Variants in PHTF2 observed in about 807,000 individuals in gnomAD.
PHTF2 encodes putative homeodomain transcription factor 2.
PHTF2 carries 60 observed loss-of-function variants against 101.2 expected under a neutral mutation model. The observed-to-expected ratio is 0.59, with a 90% CI of 0.48 to 0.73. The LOEUF is 0.73. PHTF2 is among the 30% of genes least tolerant of loss of function. The pLI is 0.00. For missense variants in PHTF2, 747 were observed against 908.7 expected (o/e 0.82, Z 2.29); for synonymous variants, 311 against 307.3 (o/e 1.01, Z -0.13).
chr7:77,885,823 G>A (rs1799793399), intron 3 of PHTF2, among the ~76,000 whole-genome samples: 1 of 152,184 alleles, frequency 6.6e-6, no homozygotes, highest in East Asian at 1.9e-4. Context: ...GGCCTCTGAT[G>A]TTTGTTGCAT....
intron 3 of PHTF2, among the ~76,000 whole-genome samples, chr7:77,890,080 C>T (rs1800249960): frequency 6.6e-6 from 1 of 151,600 alleles, no homozygotes. Context: ...TTCCTCTCAC[C>T]TATCAAATCT....
intron 1 of PHTF2, 75 bp from the exon 2 acceptor site, chr7:77,840,146 A>G (rs1228001550): frequency 8.0e-6 from 6 of 754,320 alleles, no homozygotes; most frequent in Admixed American, 3.8e-5. Flanking sequence ...CCAGAGTGCT[A>G]TGTCTGCATG....
exon 15 of PHTF2, chr7:77,940,617 A>G: frequency 1.2e-6 from 2 of 1,607,382 alleles, no homozygotes; most frequent in Non-Finnish European, 1.7e-6. Context: ...TGAAGAAAGT[A>G]CAGAATATAA....
At position 77,894,008 on chromosome 7, in the gene PHTF2, A is replaced by C. The variant is rs1221033273; in HGVS notation, c.216+15A>C. Reference sequence around the variant, plus strand: ...TTATTAAACTGGTAAGTGTTTCAGGATTTTTCCCGCCTGAGTGATCCTGTG... The same window carrying C: ...TTATTAAACTGGTAAGTGTTTCAGGCTTTTTCCCGCCTGAGTGATCCTGTG... On this transcript the variant is annotated intron_variant, in intron 5 of 19. Coordinates refer to ENST00000416283, the Ensembl canonical transcript of PHTF2. The C allele has an allele frequency of 6.3e-7, 1 of 1,593,482 alleles. No homozygotes were observed. Among genetic ancestry groups the C allele is most frequent in the Non-Finnish European group, 8.6e-7 (1 of 1,161,558 alleles).
At chr7:77,908,086 C>G (rs959077430) in intron 7 of PHTF2, 2 of 152,088 alleles carry the variant, frequency 1.3e-5, no homozygotes, top group Non-Finnish European at 2.9e-5. Flanking sequence ...CTGATTGGCC[C>G]TGCTTAGGTC....
intron 3 of PHTF2, among the ~76,000 whole-genome samples, chr7:77,883,321 A>AT (rs1202175543): frequency 1.3e-5 from 2 of 152,084 alleles, no homozygotes; most frequent in Non-Finnish European, 2.9e-5. Context: ...GATGTCTCTT[A>AT]TTTTTTGCAA....
At chr7:77,940,742 C>G (rs1337044449) in intron 15 of PHTF2, 83 bp downstream of exon 14, 1 of 969,206 alleles carries the variant, frequency 1.0e-6, no homozygotes, top group Non-Finnish European at 1.5e-6. Flanking sequence ...ATATTTGTCT[C>G]TAGATGTATA....
chr7:77,939,664 A>G (rs1805476432), intron 13 of PHTF2, among the ~76,000 whole-genome samples: 1 of 152,016 alleles, frequency 6.6e-6, no homozygotes, highest in Non-Finnish European at 1.5e-5. Flanking sequence ...AATAAGTGTA[A>G]TGCTGAGTTT....
At chr7:77,947,833 C>CTTTTTTTTT (rs1428512079) in intron 16 of PHTF2, among the ~76,000 whole-genome samples, 1 of 43,212 alleles carries the variant, frequency 2.3e-5, no homozygotes, top group Admixed American at 2.6e-4. Context: ...TTTCTTTTTT[C>CTTTTTTTTT]TTTCTTTTTT....
chr7:77,893,900 C>T (rs1053622103), intron 4 of PHTF2, 82 bp from the exon 4 acceptor site: 2 of 1,011,788 alleles, frequency 2.0e-6, no homozygotes, highest in Middle Eastern at 2.1e-4. Flanking sequence ...ATTTTTTTGT[C>T]AGCTTTTTTC....
Position 77,900,558 on chromosome 7 carries a change from A to T in PHTF2, c.217-153A>T, listed in dbSNP as rs565053080. The T allele has an allele frequency of 4.8e-6, 3 of 623,280 alleles. No homozygotes were observed. In the South Asian group the frequency reaches 5.3e-5, roughly 11 times the overall value. 38.6% of individuals were successfully genotyped at this position (623,280 alleles called of 1,614,324 possible). ...TAATAAAATTTATTACAATACTGTA[A>T]TTGTGTTCTGTTTGTAACAAATGCA... is the stretch of plus-strand genomic sequence containing the variant. On this transcript the variant is annotated intron_variant, in intron 5 of 19. Transcript: ENST00000416283.
chr7:77,872,716 G>A (rs1383292053), intron 3 of PHTF2, among the ~76,000 whole-genome samples: 1 of 152,184 alleles, frequency 6.6e-6, no homozygotes, highest in African/African-American at 2.4e-5. Flanking sequence ...CACAAATCTA[G>A]TTCACAAGGC....
chr7:77,873,904 T>C (rs943177928), intron 3 of PHTF2, among the ~76,000 whole-genome samples: 2 of 152,228 alleles, frequency 1.3e-5, no homozygotes, highest in Non-Finnish European at 2.9e-5. Context: ...TCTGTTTTTC[T>C]ACAATTTCAG....
rs143316971 is a variant in PHTF2 at position 77,917,793 on chromosome 7, G to A, written c.777-2486G>A. ...CAAGTGCTTTCATTACCAGCTACTG[G>A]CAGGCTGCCTTTGTTTGTAAACTCT... On this transcript the variant is annotated intron_variant, in intron 9 of 19. Coordinates refer to ENST00000416283, the Ensembl canonical transcript of PHTF2. 4.1e-3 allele frequency among the ~76,000 whole-genome samples: 619 copies of A among 152,280 alleles called. 5 individuals carry two copies. The highest frequency in any genetic ancestry group is 0.014 in the African/African-American group (573 of 41,562).
At chr7:77,933,604 A>G (rs1173754915) in intron 12 of PHTF2, among the ~76,000 whole-genome samples, 1 of 152,130 alleles carries the variant, frequency 6.6e-6, no homozygotes, top group Non-Finnish European at 1.5e-5. Flanking sequence ...TCATCTGCAT[A>G]TTCATCTAAG....
At chr7:77,912,533 C>G (rs975096750) in intron 9 of PHTF2, among the ~76,000 whole-genome samples, 1 of 151,968 alleles carries the variant, frequency 6.6e-6, no homozygotes, top group Non-Finnish European at 1.5e-5. Flanking sequence ...CTGGATACTT[C>G]CGTTAAGTTA....
rs1282681892 is a variant in PHTF2 at position 77,915,131 on chromosome 7, T to C, written c.776+4722T>C. 2.0e-5 allele frequency among the ~76,000 whole-genome samples: 3 copies of C among 151,878 alleles called. No homozygotes were observed. The East Asian group carries it at 5.8e-4, about 30-fold the overall frequency. On this transcript the variant is annotated intron_variant, in intron 9 of 19. Transcript: ENST00000416283. ...TTCACCGTGTTGGCTGGGATGGTCT[T>C]GATCCTTGACTTCGTGATCCTCCTG...
intron 1 of PHTF2, among the ~76,000 whole-genome samples, chr7:77,836,372 C>G (rs1031895301): frequency 6.6e-6 from 1 of 152,086 alleles, no homozygotes; most frequent in Non-Finnish European, 1.5e-5. Flanking sequence ...AGCGGACCAG[C>G]GCAGCTTACC....
chr7:77,882,369 AT>A (rs201432582), intron 3 of PHTF2, among the ~76,000 whole-genome samples: 4 of 151,002 alleles, frequency 2.6e-5, no homozygotes, highest in African/African-American at 9.8e-5. Context: ...AAAAAAAAAA[AT>A]TTATTTCTTT....
Sources: gnomAD v4.1 joint callset for allele counts (sites outside exome capture counted in the v4.1 genomes callset) on GRCh38, gnomAD v4.1.1 for gene constraint, MANE v1.5 for transcripts, NCBI Gene and HGNC (gene_info 2026-07-23, HGNC 2026-07-21) for gene names.